Variants in DRC8 observed in about 807,000 individuals in gnomAD.
DRC8 encodes the protein dynein regulatory complex protein 8.
At chr1:244,970,628 G>GGCCCGCCGCTCC in the DRC8 span, 1 of 518,680 alleles carries the variant, frequency 1.9e-6, no homozygotes, top group Non-Finnish European at 2.9e-6. Context: ...TAGCCCGCCC[G>GGCCCGCCGCTCC]GCCCGCCGCT....
chr1:244,978,256 G>A, the DRC8 span, among the ~76,000 whole-genome samples: 1 of 152,170 alleles, frequency 6.6e-6, no homozygotes, highest in Non-Finnish European at 1.5e-5. Flanking sequence ...CACTTTGGGA[G>A]GCTGAGGCTG....
At chr1:245,045,298 C>T in the DRC8 span, among the ~76,000 whole-genome samples, 9 of 152,232 alleles carry the variant, frequency 5.9e-5, no homozygotes, top group African/African-American at 2.2e-4. Context: ...GTGTGAGCCA[C>T]CTTGCCTTGT....
chr1:245,087,578 A>G, the DRC8 span: 1 of 1,160,248 alleles, frequency 8.6e-7, no homozygotes, highest in Non-Finnish European at 1.1e-6. Flanking sequence ...TTTAAAAACT[A>G]TTCTTAAAAC....
chr1:245,076,876 A>T, the DRC8 span, among the ~76,000 whole-genome samples: 1 of 151,968 alleles, frequency 6.6e-6, no homozygotes, highest in Non-Finnish European at 1.5e-5. Context: ...ACAGGTGCAC[A>T]CCACCATGTC....
At chr1:245,024,823 C>T in the DRC8 span, among the ~76,000 whole-genome samples, 5 of 152,082 alleles carry the variant, frequency 3.3e-5, no homozygotes, top group South Asian at 2.1e-4. Flanking sequence ...GGATTACAGA[C>T]GTGAGCCACC....
the DRC8 span, among the ~76,000 whole-genome samples, chr1:245,031,144 G>GT: frequency 6.6e-6 from 1 of 152,018 alleles, no homozygotes; most frequent in Non-Finnish European, 1.5e-5. Context: ...TTCCAACACA[G>GT]TTTCTAGGCC....
At chr1:245,077,987 T>C in the DRC8 span, among the ~76,000 whole-genome samples, 2 of 151,888 alleles carry the variant, frequency 1.3e-5, no homozygotes, top group Non-Finnish European at 2.9e-5. Context: ...CCAATACATA[T>C]AAGGAACTCA....
At chr1:244,981,736 C>T in the DRC8 span, among the ~76,000 whole-genome samples, 1 of 152,136 alleles carries the variant, frequency 6.6e-6, no homozygotes, top group Non-Finnish European at 1.5e-5. Flanking sequence ...TTAGGCGGTC[C>T]CTCACACTTC....
At chr1:245,074,383 C>T in the DRC8 span, among the ~76,000 whole-genome samples, 7 of 152,240 alleles carry the variant, frequency 4.6e-5, no homozygotes, top group African/African-American at 1.2e-4. Context: ...GGCGTGGGAG[C>T]GGCACTCACC....
the DRC8 span, among the ~76,000 whole-genome samples, chr1:245,084,080 C>T: frequency 9.2e-6 from 1 of 108,786 alleles, no homozygotes; most frequent in Non-Finnish European, 2.0e-5. Flanking sequence ...CCCGGCGCCC[C>T]GGCTTTTTTT....
chr1:245,008,032 C>T, the DRC8 span, among the ~76,000 whole-genome samples: 1 of 152,020 alleles, frequency 6.6e-6, no homozygotes, highest in South Asian at 2.1e-4. Flanking sequence ...AAAAATTAGC[C>T]AGGCATGGTG....
At chr1:245,047,377 G>A in the DRC8 span, among the ~76,000 whole-genome samples, 1 of 152,206 alleles carries the variant, frequency 6.6e-6, no homozygotes, top group Non-Finnish European at 1.5e-5. Flanking sequence ...GCTCACGCCT[G>A]TAATCCTAGC....
At chr1:245,110,251 A>G in the DRC8 span, among the ~76,000 whole-genome samples, 1 of 152,064 alleles carries the variant, frequency 6.6e-6, no homozygotes, top group Non-Finnish European at 1.5e-5. Flanking sequence ...GAGCATGGTG[A>G]TGCACGCCTG....
At chr1:245,022,699 A>G in the DRC8 span, among the ~76,000 whole-genome samples, 2 of 152,088 alleles carry the variant, frequency 1.3e-5, no homozygotes, top group African/African-American at 4.8e-5. Context: ...ATGTATGAGT[A>G]TGCATGTGCA....
the DRC8 span, among the ~76,000 whole-genome samples, chr1:245,021,695 CA>C: frequency 2.0e-5 from 3 of 152,120 alleles, no homozygotes; most frequent in Admixed American, 2.0e-4. Context: ...CTCAGCCTCC[CA>C]AAGTGCTGGG....
chr1:244,972,256 T>A, the DRC8 span, among the ~76,000 whole-genome samples: 954 of 152,312 alleles, frequency 6.3e-3, 10 homozygotes, highest in African/African-American at 0.022. Flanking sequence ...TGCCATTATG[T>A]AGATAAGGCA....
the DRC8 span, among the ~76,000 whole-genome samples, chr1:245,060,069 G>T: frequency 1.3e-5 from 2 of 152,192 alleles, no homozygotes. Flanking sequence ...AAGCTACCTG[G>T]CCAGGAGAAG....
At chr1:245,110,893 A>G in the DRC8 span, among the ~76,000 whole-genome samples, 2 of 152,208 alleles carry the variant, frequency 1.3e-5, no homozygotes, top group African/African-American at 2.4e-5. Context: ...TAGTGTGGTT[A>G]TAGTGTGGAC....
the DRC8 span, among the ~76,000 whole-genome samples, chr1:245,050,619 T>C: frequency 1.3e-5 from 2 of 152,174 alleles, no homozygotes; most frequent in African/African-American, 4.8e-5. Flanking sequence ...AATGTAGGGA[T>C]TACTGTGTCA....
Sources: allele counts gnomAD v4.1 joint callset (sites outside exome capture counted in the v4.1 genomes callset), GRCh38; gene constraint gnomAD v4.1.1; transcripts MANE v1.5; gene names NCBI Gene and HGNC (gene_info 2026-07-23, HGNC 2026-07-21).